The following KIF13B variants were observed in gnomAD, a reference collection of about 807,000 sequenced individuals.
KIF13B encodes the protein kinesin-like protein KIF13B.
Under a neutral mutation model 222.0 loss-of-function variants are expected in KIF13B, and 127 were observed. The ratio of observed to expected loss-of-function variants is 0.57; its 90% CI spans 0.50 to 0.66. KIF13B has a LOEUF of 0.66. Ranked by LOEUF, KIF13B falls within the 30% of genes least tolerant of loss-of-function variation. The pLI is 0.00. For missense variants in KIF13B, 2,173 were observed against 2,379.0 expected (o/e 0.91, Z 1.80); for synonymous variants, 976 against 919.0 (o/e 1.06, Z -1.12).
intron 18 of KIF13B, among the ~76,000 whole-genome samples, chr8:29,144,997 T>C (rs1244007134): frequency 1.3e-5 from 2 of 151,966 alleles, no homozygotes; most frequent in African/African-American, 2.4e-5. Context: ...ATCTTTCAGG[T>C]TTCTGCTTTT....
chr8:29,158,397 T>C (rs1450486759), intron 13 of KIF13B, among the ~76,000 whole-genome samples: 3 of 152,238 alleles, frequency 2.0e-5, no homozygotes, highest in African/African-American at 7.2e-5. Context: ...GTCTCTTTAT[T>C]GATAGATGGG....
chr8:29,143,438 C>T (rs1563736893), intron 18 of KIF13B, among the ~76,000 whole-genome samples: 1 of 152,200 alleles, frequency 6.6e-6, no homozygotes, highest in Non-Finnish European at 1.5e-5. Flanking sequence ...TTAATGATAC[C>T]AGTTTCCAAA....
At chr8:29,155,548 G>A (rs1811482245) in intron 14 of KIF13B, among the ~76,000 whole-genome samples, 178 bp downstream of exon 14, 1 of 152,152 alleles carries the variant, frequency 6.6e-6, no homozygotes. Flanking sequence ...CATGGCAGTG[G>A]GTATAGAGAG....
intron 29 of KIF13B, among the ~76,000 whole-genome samples, chr8:29,120,141 G>A (rs1350363663): frequency 2.0e-5 from 3 of 150,290 alleles, no homozygotes; most frequent in African/African-American, 4.9e-5. Flanking sequence ...TTACATGGTG[G>A]TGAGTGGGAA....
At chr8:29,189,706 T>C (rs372224237) in intron 4 of KIF13B, 1 of 152,316 alleles carries the variant, frequency 6.6e-6, no homozygotes, top group East Asian at 1.9e-4. Context: ...TAGGGTTCCT[T>C]TTCTCCTTGG....
At chr8:29,109,394 A>G in intron 34 of KIF13B, 40 bp downstream of exon 34, 1 of 1,451,142 alleles carries the variant, frequency 6.9e-7, no homozygotes, top group South Asian at 1.1e-5. Context: ...AGAGGAGAGA[A>G]GTCCCAGGCA....
At chr8:29,235,962 G>A (rs1162191738) in intron 2 of KIF13B, among the ~76,000 whole-genome samples, 1 of 152,160 alleles carries the variant, frequency 6.6e-6, no homozygotes, top group Non-Finnish European at 1.5e-5. Flanking sequence ...ACTAAATAAG[G>A]ATAACCTAGT....
chr8:29,126,588 CTT>C, intron 25 of KIF13B, 77 bp from the exon 26 acceptor site: 1 of 838,314 alleles, frequency 1.2e-6, no homozygotes, highest in East Asian at 2.6e-5. Flanking sequence ...CAATCTGACT[CTT>C]TACCCATAAT....
At chr8:29,096,855 A>C (rs1383045795) in intron 36 of KIF13B, among the ~76,000 whole-genome samples, 1 of 152,170 alleles carries the variant, frequency 6.6e-6, no homozygotes, top group Non-Finnish European at 1.5e-5. Flanking sequence ...AAGAGGAAAT[A>C]AAATGAGATA....
intron 18 of KIF13B, among the ~76,000 whole-genome samples, chr8:29,144,376 G>GC (rs955473204): frequency 2.0e-5 from 3 of 151,982 alleles, no homozygotes; most frequent in African/African-American, 7.3e-5. Flanking sequence ...TCCTGCCTCA[G>GC]CCCCCCAAGC....
At chr8:29,242,840 A>T (rs1186406099) in intron 2 of KIF13B, among the ~76,000 whole-genome samples, 1 of 152,226 alleles carries the variant, frequency 6.6e-6, no homozygotes, top group Non-Finnish European at 1.5e-5. Flanking sequence ...TGGATTGCTG[A>T]GATTAATATT....
intron 2 of KIF13B, among the ~76,000 whole-genome samples, chr8:29,230,901 G>A (rs1815256835): frequency 6.6e-6 from 1 of 152,160 alleles, no homozygotes; most frequent in Non-Finnish European, 1.5e-5. Context: ...TTTTGAGACA[G>A]GGTCTCACAT....
chr8:29,070,624 C>G lies in KIF13B; in HGVS notation c.5361G>C (p.Glu1787Asp). 6.3e-7 allele frequency: 1 copy of G among 1,576,122 alleles called. No homozygotes were observed. Among genetic ancestry groups the G allele is most frequent in the Non-Finnish European group, 8.6e-7 (1 of 1,160,666 alleles). Reference protein sequence around the residue: ...RSTGLRLGAPEARRSATLSGS... With the variant: ...RSTGLRLGAPDARRSATLSGS... ...CCGAGAGGGTGGCGCTCCGGCGGGC[C>G]TCGGGGGCACCCAGCCGGAGTCCTG... is the stretch of plus-strand genomic sequence containing the variant. The change falls in exon 40 of 40, where the codon GAG becomes GAC. Residue 1787 changes from glutamate to aspartate, a missense_variant. By Grantham distance (45) the Glu-to-Asp change is conservative. Transcript: ENST00000524189. This position sits in a 1 kb window ranked among gnomAD's most constrained non-coding sequence, Gnocchi z 4.1.
chr8:29,115,218 T>C (rs1809537508), intron 31 of KIF13B, among the ~76,000 whole-genome samples: 1 of 152,116 alleles, frequency 6.6e-6, no homozygotes, highest in East Asian at 1.9e-4. Flanking sequence ...GTACTGGTTT[T>C]AGTCAGTGTA....
intron 1 of KIF13B, among the ~76,000 whole-genome samples, chr8:29,245,801 A>G (rs1456671839): frequency 6.6e-6 from 1 of 152,154 alleles, no homozygotes; most frequent in Non-Finnish European, 1.5e-5. Flanking sequence ...AGAAAATCCT[A>G]AGGAAACCGC....
rs375571129 is a variant in KIF13B at position 29,122,712 on chromosome 8, A to G, written c.3480-66T>C. 66 of 1,311,534 alleles carry G rather than the reference A, an allele frequency of 5.0e-5. No individual in the cohort carries two copies. In the African/African-American group the frequency reaches 7.4e-4, roughly 15 times the overall value. 81.2% of individuals were successfully genotyped at this position (1,311,534 alleles called of 1,614,324 possible). On this transcript the variant is annotated intron_variant, in intron 28 of 39. Transcript: ENST00000524189. ...TTCTCAGTGGCATGCACGTAGGAAC[A>G]CAGCCTTAATGGCATTCAGGGCTGT... is the stretch of plus-strand genomic sequence containing the variant.
intron 15 of KIF13B, among the ~76,000 whole-genome samples, 193 bp from the exon 16 acceptor site, chr8:29,148,960 T>A (rs935128788): frequency 6.6e-6 from 1 of 152,144 alleles, no homozygotes; most frequent in Non-Finnish European, 1.5e-5. Flanking sequence ...CAACAGAAAG[T>A]ATGACACTAG....
chr8:29,124,761 G>A (rs1188596385), intron 26 of KIF13B, among the ~76,000 whole-genome samples: 2 of 151,950 alleles, frequency 1.3e-5, no homozygotes, highest in Non-Finnish European at 2.9e-5. Flanking sequence ...GCGGGTACCT[G>A]TAATCCCAGC....
At position 29,188,347 on chromosome 8, in the gene KIF13B, A is replaced by G. The variant is rs146706444; in HGVS notation, c.316+168T>C. Among the ~76,000 whole-genome samples, 385 of 152,324 alleles carry G rather than the reference A, an allele frequency of 2.5e-3. 5 individuals are homozygous for G. The highest frequency in any genetic ancestry group is 8.8e-3 in the African/African-American group (364 of 41,574). ...GATAAAAGATCCCAATCCTAATTTT[A>G]TTACACTCATTTTAAAATAATGTTA... On this transcript the variant is annotated intron_variant, in intron 5 of 39. Transcript: ENST00000524189.
Sources: allele counts gnomAD v4.1 joint callset (sites outside exome capture counted in the v4.1 genomes callset), GRCh38; gene constraint gnomAD v4.1.1; non-coding constraint Gnocchi (gnomAD v3.1); transcripts MANE v1.5; gene names NCBI Gene and HGNC (gene_info 2026-07-23, HGNC 2026-07-21).